The following AFAP1L2 variants were observed in gnomAD, a reference collection of about 807,000 sequenced individuals.
AFAP1L2 encodes the protein actin filament associated protein 1 like 2, also known as actin filament-associated protein 1-like 2.
Under a neutral mutation model 99.3 loss-of-function variants are expected in AFAP1L2, and 46 were observed. The observed-to-expected ratio is 0.46, with a 90% CI of 0.37 to 0.59. The LOEUF (loss-of-function observed/expected upper bound fraction) is 0.59, where lower values mean the gene tolerates loss of function less well. Ranked by LOEUF, AFAP1L2 falls within the 20% of genes least tolerant of loss-of-function variation. The probability of loss-of-function intolerance (pLI) is 0.00; values close to 1 mark genes in which losing one functional copy is unlikely to be tolerated. For synonymous variants in AFAP1L2, 397 were observed against 419.1 expected (o/e 0.95, Z 0.64); for missense variants, 959 against 1,034.9 (o/e 0.93, Z 1.01).
chr10:114,313,890 T>C lies in AFAP1L2; in HGVS notation c.773A>G (p.Gln258Arg), dbSNP rs1162865622. ...CCTCACCCTGAGCCACTGCTCAGCC[T>C]GGTCCTTGCTCTGCAGGCCCAGCAC... ...VIVLGLQSKD[Q>R]AEQWLRVIQE... Residue 258 changes from glutamine to arginine, a missense_variant, in exon 7 of 19, where the codon CAG becomes CGG. By Grantham distance (43) the Gln-to-Arg change is conservative. This residue lies in a region of AFAP1L2 where 383 missense variants were observed against 472.8 expected (regional missense o/e 0.81). Transcript: ENST00000304129. 1 of 1,612,018 alleles carries C rather than the reference T, an allele frequency of 6.2e-7. No homozygotes were observed. Among genetic ancestry groups the C allele is most frequent in the African/African-American group, 1.3e-5 (1 of 74,916 alleles).
At chr10:114,311,238 G>T (rs2134519653) in intron 7 of AFAP1L2, among the ~76,000 whole-genome samples, 1 of 152,260 alleles carries the variant, frequency 6.6e-6, no homozygotes, top group South Asian at 2.1e-4. Context: ...CAGTGGCTCT[G>T]ACTATGAAAG....
At chr10:114,283,306 T>C in the AFAP1L2 span, among the ~76,000 whole-genome samples, 2 of 139,610 alleles carry the variant, frequency 1.4e-5, no homozygotes, top group African/African-American at 2.8e-5. Flanking sequence ...AGCGAGCAGT[T>C]AGACACACAG....
chr10:114,292,229 A>C (rs2039669571), downstream of AFAP1L2, among the ~76,000 whole-genome samples: 1 of 151,264 alleles, frequency 6.6e-6, no homozygotes, highest in Non-Finnish European at 1.5e-5. Flanking sequence ...GTGAGCCGAG[A>C]TCTCACCACT....
At chr10:114,344,173 T>C (rs1205383287) in intron 1 of AFAP1L2, among the ~76,000 whole-genome samples, 3 of 152,194 alleles carry the variant, frequency 2.0e-5, no homozygotes, top group Non-Finnish European at 4.4e-5. Flanking sequence ...GAATAAAGCA[T>C]GTTCTCCCAA....
At chr10:114,351,216 CCTT>C (rs1469402538) in intron 1 of AFAP1L2, among the ~76,000 whole-genome samples, 1 of 152,140 alleles carries the variant, frequency 6.6e-6, no homozygotes, top group African/African-American at 2.4e-5. Flanking sequence ...AATTTTCACT[CCTT>C]CTTTATAGCC....
At chr10:114,381,202 A>C (rs2093370) in intron 1 of AFAP1L2, among the ~76,000 whole-genome samples, 8 of 152,112 alleles carry the variant, frequency 5.3e-5, no homozygotes, top group Non-Finnish European at 1.0e-4. Context: ...AAGCCATGAA[A>C]AGCAATGAAA....
chr10:114,403,446 C>G (rs565381274), intron 1 of AFAP1L2, among the ~76,000 whole-genome samples: 1 of 152,196 alleles, frequency 6.6e-6, no homozygotes, highest in Non-Finnish European at 1.5e-5. Context: ...TTTTATTACT[C>G]TCTCCCAGGG....
intron 1 of AFAP1L2, among the ~76,000 whole-genome samples, chr10:114,401,153 G>A (rs942049215): frequency 9.9e-5 from 15 of 152,160 alleles, no homozygotes; most frequent in African/African-American, 3.6e-4. Context: ...CAAAAGAACC[G>A]CAGAAAAAGA....
At chr10:114,300,424 T>C in intron 14 of AFAP1L2, 21 bp downstream of exon 14, 1 of 1,489,576 alleles carries the variant, frequency 6.7e-7, no homozygotes, top group Non-Finnish European at 8.9e-7. Context: ...GGTCTTGCTG[T>C]CCTGCAGGGG....
intron 5 of AFAP1L2, among the ~76,000 whole-genome samples, chr10:114,321,630 T>C (rs1276427939): frequency 6.6e-6 from 1 of 152,320 alleles, no homozygotes; most frequent in East Asian, 1.9e-4. Context: ...TGCTGATTGA[T>C]TTATGCTTTG....
At chr10:114,400,749 A>G (rs531186149) in intron 1 of AFAP1L2, among the ~76,000 whole-genome samples, 1 of 152,312 alleles carries the variant, frequency 6.6e-6, no homozygotes, top group African/African-American at 2.4e-5. Flanking sequence ...TATTGGAATC[A>G]CCTGAAGACC....
chr10:114,337,308 G>A (rs2048125057), intron 2 of AFAP1L2, among the ~76,000 whole-genome samples: 1 of 152,244 alleles, frequency 6.6e-6, no homozygotes, highest in East Asian at 1.9e-4. Flanking sequence ...TGGGATAAAG[G>A]ATGAATGATG....
At chr10:114,318,509 C>T (rs1186367433) in intron 5 of AFAP1L2, among the ~76,000 whole-genome samples, 3 of 151,700 alleles carry the variant, frequency 2.0e-5, no homozygotes, top group South Asian at 2.1e-4. Context: ...GAGGCCAAGG[C>T]GGGTGGATCA....
Position 114,294,906 on chromosome 10 carries a change from G to T in AFAP1L2, c.*1136C>A. 1.0e-6 allele frequency: 1 copy of T among 980,752 alleles called. No homozygotes were observed. The highest frequency in any genetic ancestry group is 1.2e-6 in the Non-Finnish European group (1 of 827,212). The allele number at this position is 980,752 out of a possible 1,614,324, so 60.8% of individuals were successfully genotyped here. Reference sequence around the variant, plus strand: ...AGGTCACCAAATGTTTATGAGAGAGGAAATAAGAATAAAAAAGACATTTAG... The same window carrying T: ...AGGTCACCAAATGTTTATGAGAGAGTAAATAAGAATAAAAAAGACATTTAG... On this transcript the variant is annotated 3_prime_UTR_variant, in exon 19 of 19. Transcript: ENST00000304129.
At chr10:114,389,017 C>A (rs1243094994) in intron 1 of AFAP1L2, among the ~76,000 whole-genome samples, 1 of 152,184 alleles carries the variant, frequency 6.6e-6, no homozygotes, top group Non-Finnish European at 1.5e-5. Context: ...CCAGTGCCAA[C>A]CTCAGGGGTT....
chr10:114,313,306 C>T (rs547444014), intron 7 of AFAP1L2, among the ~76,000 whole-genome samples: 1 of 152,162 alleles, frequency 6.6e-6, no homozygotes, highest in Non-Finnish European at 1.5e-5. Context: ...AGCCCCTCCC[C>T]AAGTGCCTCA....
At chr10:114,357,565 C>T (rs1242685909) in intron 1 of AFAP1L2, among the ~76,000 whole-genome samples, 1 of 152,152 alleles carries the variant, frequency 6.6e-6, no homozygotes, top group Non-Finnish European at 1.5e-5. Flanking sequence ...ATGGAATATC[C>T]AATATTCCAT....
Position 114,299,334 on chromosome 10 carries a change from T to G in AFAP1L2, c.2039A>C (p.Glu680Ala). ...CTGAGCCAGGTGCCCCCGGATTTCTTCCTTCTTCTTTTCAAGCCTCTCCTT... is the reference window on the plus strand; with the variant it reads ...CTGAGCCAGGTGCCCCCGGATTTCTGCCTTCTTCTTTTCAAGCCTCTCCTT... ...EEKERLEKKKEEIRGHLAQLR... is the reference protein window; with the variant it reads ...EEKERLEKKKAEIRGHLAQLR... The change falls in exon 16 of 19, where the codon GAA becomes GCA. Residue 680 changes from glutamate to alanine, a missense_variant. Physicochemically the swap from Glu to Ala is moderately radical, Grantham distance 107 (BLOSUM62 -1). Coordinates refer to ENST00000304129, the MANE Select transcript of AFAP1L2 (RefSeq NM_001001936.3). 6.2e-7 allele frequency: 1 copy of G among 1,614,188 alleles called. No individual in the cohort carries two copies. The highest frequency in any genetic ancestry group is 8.5e-7 in the Non-Finnish European group (1 of 1,180,032).
At chr10:114,346,968 G>A (rs370946960) in intron 1 of AFAP1L2, among the ~76,000 whole-genome samples, 10 of 152,228 alleles carry the variant, frequency 6.6e-5, no homozygotes, top group East Asian at 5.8e-4. Context: ...CCAACATGCC[G>A]AAAAAGCCAC....
Sources: gnomAD v4.1 joint callset for allele counts (sites outside exome capture counted in the v4.1 genomes callset) on GRCh38, gnomAD v4.1.1 for gene constraint, gnomAD v4.1.1 regional missense constraint, MANE v1.5 for transcripts, NCBI Gene and HGNC (gene_info 2026-07-23, HGNC 2026-07-21) for gene names.